The following ADGRA3 variants were observed in gnomAD, a reference collection of about 807,000 sequenced individuals.
The protein encoded by ADGRA3 is adhesion G protein-coupled receptor A3.
In ADGRA3, 56 loss-of-function variants were observed where a neutral mutation model predicts 119.8. The observed-to-expected ratio is 0.47, with a 90% CI of 0.38 to 0.58. The LOEUF (loss-of-function observed/expected upper bound fraction) is 0.58, where lower values mean the gene tolerates loss of function less well. ADGRA3 is among the 20% of genes least tolerant of loss of function. ADGRA3 has a pLI of 0.00. For missense variants in ADGRA3, 1,516 were observed against 1,649.0 expected, an observed-to-expected ratio of 0.92 and a Z score of 1.40; for synonymous variants, 607 against 623.8, an observed-to-expected ratio of 0.97 and a Z score of 0.40.
In ADGRA3 at chr4:22,413,385, C is replaced by T. The variant is rs771596646; in HGVS notation, c.2029G>A (p.Val677Met). Residue 677 changes from valine to methionine, a missense_variant, in exon 14 of 19, where the codon GTG (valine) becomes ATG (methionine). Physicochemically the swap from Val to Met is conservative, Grantham distance 21. Transcript: ENST00000334304. The stretch of plus-strand genomic sequence containing the variant: ...GGGATGTGGTGGGTATCTACATTCA[C>T]ACCATCTGGAGAAAATGGGAAATAA... ...TPVILTKIDGVNVDTHHIPVN... is the reference protein window; with the variant it reads ...TPVILTKIDGMNVDTHHIPVN... 7.4e-6 allele frequency: 12 copies of T among 1,612,516 alleles called. No individual in the cohort carries two copies. The South Asian group carries it at 1.2e-4, about 16-fold the overall frequency.
chr4:22,490,822 T>C (rs1718595617), intron 1 of ADGRA3, among the ~76,000 whole-genome samples: 1 of 152,248 alleles, frequency 6.6e-6, no homozygotes, highest in African/African-American at 2.4e-5. Flanking sequence ...TTTCTATTGC[T>C]GTGTAACAAG....
chr4:22,403,744 A>G (rs2109010302), intron 14 of ADGRA3, among the ~76,000 whole-genome samples: 1 of 152,242 alleles, frequency 6.6e-6, no homozygotes, highest in South Asian at 2.1e-4. Flanking sequence ...CCTTTCTCAA[A>G]AGAAAAATAA....
chr4:22,423,990 TAA>T (rs973634205), intron 11 of ADGRA3, among the ~76,000 whole-genome samples, 199 bp downstream of exon 11: 1 of 152,176 alleles, frequency 6.6e-6, no homozygotes, highest in African/African-American at 2.4e-5. Flanking sequence ...TAAAATGTTA[TAA>T]CTTATAAAAT....
Position 22,435,443 on chromosome 4 carries a change from G to C in ADGRA3, c.1311C>G (p.Ala437=). 1 of 1,602,642 alleles carries C rather than the reference G, an allele frequency of 6.2e-7. No homozygotes were observed. Among genetic ancestry groups the C allele is most frequent in the Non-Finnish European group, 8.5e-7 (1 of 1,171,556 alleles). ...CCAGTAACTGTCGAGCTGTTGCCAC[G>C]GCATTGGTAAGATTGAGGGGCATCT... The part of the protein sequence containing the change: ...FNQMPLNLTN[A]VATARQLLAY... Residue 437 remains alanine, a synonymous_variant, in exon 10 of 19, where the codon GCC becomes GCG. Coordinates refer to ENST00000334304, the MANE Select transcript of ADGRA3 (RefSeq NM_145290.4).
chr4:22,497,910 C>A (rs1477194552), intron 1 of ADGRA3, among the ~76,000 whole-genome samples: 2 of 149,558 alleles, frequency 1.3e-5, no homozygotes, highest in East Asian at 3.9e-4. Context: ...AACCACTTCA[C>A]TCCAGCCTGG....
chr4:22,499,455 T>C (rs1718975171), intron 1 of ADGRA3, among the ~76,000 whole-genome samples: 1 of 152,196 alleles, frequency 6.6e-6, no homozygotes. Flanking sequence ...TCTCATGCTA[T>C]TTCCCTTTAT....
rs1293332777 is a variant in ADGRA3, at chr4:22,466,062, C to T, written c.330-4254G>A. ...CCATTTGAAGTGATCTTTTTAAACACAGACCTGATCAAGACTTTGCTCTGA... is the reference window on the plus strand; with the variant it reads ...CCATTTGAAGTGATCTTTTTAAACATAGACCTGATCAAGACTTTGCTCTGA... On this transcript the variant is annotated intron_variant, in intron 2 of 18. Coordinates refer to ENST00000334304, the MANE Select transcript of ADGRA3 (RefSeq NM_145290.4). Among the ~76,000 whole-genome samples, 6 of 152,238 alleles carry T rather than the reference C, an allele frequency of 3.9e-5. No homozygotes were observed. The East Asian group carries it at 1.2e-3, about 30-fold the overall frequency.
intron 7 of ADGRA3, 84 bp downstream of exon 7, chr4:22,442,566 A>G: frequency 2.3e-6 from 2 of 873,778 alleles, no homozygotes. Context: ...TATTAATTCA[A>G]ATTCCACTAA....
At chr4:22,458,703 T>A (rs1226166923) in intron 3 of ADGRA3, among the ~76,000 whole-genome samples, 1 of 152,142 alleles carries the variant, frequency 6.6e-6, no homozygotes, top group Non-Finnish European at 1.5e-5. Context: ...TCCCATGCAA[T>A]CTGATGCCTA....
intron 1 of ADGRA3, among the ~76,000 whole-genome samples, chr4:22,482,243 A>G (rs1421191793): frequency 6.6e-6 from 1 of 152,202 alleles, no homozygotes; most frequent in African/African-American, 2.4e-5. Flanking sequence ...TAAAATACAT[A>G]AAGTATAAAA....
intron 1 of ADGRA3, among the ~76,000 whole-genome samples, chr4:22,499,944 GA>G (rs1301010212): frequency 6.6e-6 from 1 of 152,010 alleles, no homozygotes; most frequent in Non-Finnish European, 1.5e-5. Flanking sequence ...CCTTTTTTCA[GA>G]ATTTGGAATA....
At chr4:22,515,496 GGA>G in intron 1 of ADGRA3, 30 bp downstream of exon 1, 1 of 1,596,546 alleles carries the variant, frequency 6.3e-7, no homozygotes. Context: ...GAGCCGAGCG[GGA>G]GAGGACCCAG....
intron 1 of ADGRA3, among the ~76,000 whole-genome samples, chr4:22,476,734 T>A (rs1427484399): frequency 6.6e-6 from 1 of 151,904 alleles, no homozygotes; most frequent in Non-Finnish European, 1.5e-5. Flanking sequence ...TGGCACGATC[T>A]CAATTCACTA....
At chr4:22,452,249 C>G (rs146932233) in intron 4 of ADGRA3, among the ~76,000 whole-genome samples, 1 of 152,100 alleles carries the variant, frequency 6.6e-6, no homozygotes, top group African/African-American at 2.4e-5. Flanking sequence ...TGGAAAATCA[C>G]ATGCATGAGG....
chr4:22,483,756 A>G (rs1359810229), intron 1 of ADGRA3, among the ~76,000 whole-genome samples: 2 of 152,330 alleles, frequency 1.3e-5, no homozygotes, highest in Middle Eastern at 3.4e-3. Context: ...AGGTTTCACT[A>G]TGATGCAGCA....
At chr4:22,501,965 T>C (rs1024018597) in intron 1 of ADGRA3, among the ~76,000 whole-genome samples, 3 of 152,070 alleles carry the variant, frequency 2.0e-5, no homozygotes, top group Admixed American at 6.5e-5. Context: ...AAGTAAATCC[T>C]AGTAGAACAG....
intron 2 of ADGRA3, among the ~76,000 whole-genome samples, chr4:22,465,436 G>A (rs1379630220): frequency 1.3e-5 from 2 of 152,162 alleles, no homozygotes; most frequent in East Asian, 3.9e-4. Context: ...TTTGATAAGA[G>A]GTCAAGATCT....
At chr4:22,513,878 G>C (rs1719547803) in intron 1 of ADGRA3, among the ~76,000 whole-genome samples, 1 of 136,456 alleles carries the variant, frequency 7.3e-6, no homozygotes, top group Non-Finnish European at 1.5e-5. Flanking sequence ...AAAAAAACTG[G>C]ATTGAAATGA....
Position 22,436,618 on chromosome 4 carries a change from A to G in ADGRA3, c.1109T>C (p.Ile370Thr). ...CCGCGTACACTGCAGATATGCAGTA[A>G]TGCCTGCCAATGTTCTGGGCCATCT... ...DFRWPRTLAG[I>T]TAYLQCTRNT... The change falls in exon 9 of 19, where the codon ATT (isoleucine) becomes ACT (threonine). Residue 370 changes from isoleucine to threonine, a missense_variant. Physicochemically the swap from Ile to Thr is moderately conservative, Grantham distance 89. Transcript: ENST00000334304. The G allele has an allele frequency of 6.2e-7, 1 of 1,613,966 alleles. No homozygotes were observed. The highest frequency in any genetic ancestry group is 8.5e-7 in the Non-Finnish European group (1 of 1,179,862).
Sources: gnomAD v4.1 joint callset for allele counts (sites outside exome capture counted in the v4.1 genomes callset) on GRCh38, gnomAD v4.1.1 for gene constraint, MANE v1.5 for transcripts, NCBI Gene and HGNC (gene_info 2026-07-23, HGNC 2026-07-21) for gene names.